The following RAD23B variants were observed in gnomAD, a reference collection of about 807,000 sequenced individuals.
RAD23B encodes RAD23 nucleotide excision repair protein B.
RAD23B carries 5 observed loss-of-function variants against 49.1 expected under a neutral mutation model. The ratio of observed to expected loss-of-function variants is 0.10; its 90% CI spans 0.05 to 0.21. The LOEUF (loss-of-function observed/expected upper bound fraction) is 0.21, where lower values mean the gene tolerates loss of function less well. RAD23B is among the 10% of genes least tolerant of loss of function. The pLI, the probability that RAD23B is intolerant of heterozygous loss-of-function variation, is 1.00. For synonymous variants in RAD23B, 184 were observed against 165.4 expected (o/e 1.11, Z -0.86); for missense variants, 356 against 486.7 (o/e 0.73, Z 2.53).
At chr9:107,284,821 C>A in intron 1 of RAD23B, 1 of 1,212,998 alleles carries the variant, frequency 8.2e-7, no homozygotes, top group South Asian at 1.4e-5. Context: ...GGTTTTGTAA[C>A]TTATTTGCTA....
At position 107,283,707 on chromosome 9, in the gene RAD23B, G is replaced by A; in HGVS notation, c.66+12G>A. On this transcript the variant is annotated intron_variant, in intron 1 of 9. Coordinates refer to ENST00000358015, the MANE Select transcript of RAD23B (RefSeq NM_002874.5). ...ACCCCGAGGAGACGGTATGCGCGCG[G>A]GCCGGGGGCAGGGGCAGCCGCGTGC... 6.9e-7 allele frequency: 1 copy of A among 1,458,160 alleles called. No individual in the cohort carries two copies. Among genetic ancestry groups the A allele is most frequent in the Non-Finnish European group, 9.1e-7 (1 of 1,100,290 alleles). The allele number at this position is 1,458,160 out of a possible 1,614,324, so 90.3% of individuals were successfully genotyped here. A position where few individuals can be genotyped will look rare whatever the true frequency, so the allele number is the denominator to read the frequency against.
At chr9:107,306,677 T>C (rs994902514) in intron 4 of RAD23B, 30 bp downstream of exon 4, 12 of 1,585,778 alleles carry the variant, frequency 7.6e-6, no homozygotes, top group Non-Finnish European at 9.5e-6. Flanking sequence ...ACATTCTATC[T>C]CAAAATCCGT....
At chr9:107,313,974 CCA>C (rs768441053) in intron 5 of RAD23B, among the ~76,000 whole-genome samples, 28 of 151,936 alleles carry the variant, frequency 1.8e-4, no homozygotes, top group Non-Finnish European at 3.5e-4. Context: ...TCCCCTCATT[CCA>C]CAGTTACTAA....
At chr9:107,329,483 T>C in intron 9 of RAD23B, 60 bp from the exon 10 acceptor site, 1 of 1,088,328 alleles carries the variant, frequency 9.2e-7, no homozygotes, top group Admixed American at 1.9e-5. Flanking sequence ...AATATGTAAA[T>C]AAAATTAAAT....
chr9:107,322,709 A>G (rs1290744363), intron 7 of RAD23B, among the ~76,000 whole-genome samples: 2 of 152,210 alleles, frequency 1.3e-5, no homozygotes, highest in African/African-American at 4.8e-5. Context: ...CTGTATATTA[A>G]TAAAGTAATT....
rs542477588 is a variant in RAD23B, at chr9:107,283,425, C to A, written c.-205C>A. 18 of 432,582 alleles carry A rather than the reference C, an allele frequency of 4.2e-5. No individual in the cohort carries two copies. Among genetic ancestry groups the A allele is most frequent in the South Asian group, 7.4e-5 (1 of 13,528 alleles). The allele number at this position is 432,582 out of a possible 1,614,324, so 26.8% of individuals were successfully genotyped here. On this transcript the variant is annotated 5_prime_UTR_variant, in exon 1 of 10. Coordinates refer to ENST00000358015, the MANE Select transcript of RAD23B (RefSeq NM_002874.5). The stretch of plus-strand genomic sequence containing the variant: ...CGGCCCGAGTTCGCGGGGAAGGCCG[C>A]AGTCGCGGAGGCAGCGGCGCGGTCC...
At chr9:107,323,600 C>G (rs41555813) in intron 7 of RAD23B, among the ~76,000 whole-genome samples, 14 of 152,048 alleles carry the variant, frequency 9.2e-5, no homozygotes, top group South Asian at 2.1e-4. Context: ...AGACAAGTTT[C>G]TAGTATTATT....
At chr9:107,297,916 T>C (rs1826562306) in intron 1 of RAD23B, among the ~76,000 whole-genome samples, 1 of 152,222 alleles carries the variant, frequency 6.6e-6, no homozygotes, top group African/African-American at 2.4e-5. Context: ...TTGCTTCATA[T>C]GTGTCTTTTT....
At chr9:107,288,303 T>C (rs1228585661) in intron 1 of RAD23B, among the ~76,000 whole-genome samples, 1 of 152,236 alleles carries the variant, frequency 6.6e-6, no homozygotes, top group Admixed American at 6.5e-5. Context: ...TGTCAGGCCC[T>C]GCTGTGATGG....
intron 4 of RAD23B, among the ~76,000 whole-genome samples, chr9:107,308,957 T>C (rs1336945929): frequency 6.6e-6 from 1 of 152,236 alleles, no homozygotes; most frequent in Admixed American, 6.5e-5. Flanking sequence ...TTTGTTTCTT[T>C]AGGTCAATTT....
intron 1 of RAD23B, chr9:107,284,824 A>G: frequency 8.2e-7 from 1 of 1,216,468 alleles, no homozygotes; most frequent in Non-Finnish European, 1.1e-6. Flanking sequence ...TTTGTAACTT[A>G]TTTGCTATGA....
At chr9:107,327,854 T>G (rs950442512) in intron 9 of RAD23B, among the ~76,000 whole-genome samples, 1 of 152,176 alleles carries the variant, frequency 6.6e-6, no homozygotes, top group Non-Finnish European at 1.5e-5. Flanking sequence ...ATTTCTACCT[T>G]TAATTCTCAG....
intron 1 of RAD23B, among the ~76,000 whole-genome samples, chr9:107,286,726 T>C (rs1833278616): frequency 6.6e-6 from 1 of 152,160 alleles, no homozygotes; most frequent in Non-Finnish European, 1.5e-5. Flanking sequence ...GCCTACATAT[T>C]AAAGCATTTT....
intron 4 of RAD23B, among the ~76,000 whole-genome samples, chr9:107,310,868 T>G (rs546632260): frequency 3.9e-4 from 60 of 152,188 alleles, no homozygotes; most frequent in South Asian, 1.3e-3. Context: ...GCATCCAAAC[T>G]TGAGTTTTCT....
Position 107,296,764 on chromosome 9 carries a change from GCCTCAAATGATCCGC to G in RAD23B, c.67-3374_67-3360del, listed in dbSNP as rs543526898. Among the ~76,000 whole-genome samples, 6 of 151,868 alleles carry G rather than the reference GCCTCAAATGATCCGC, an allele frequency of 4.0e-5. No individual in the cohort carries two copies. The South Asian group carries it at 1.2e-3, about 32-fold the overall frequency. On this transcript the variant is annotated intron_variant, in intron 1 of 9. Coordinates refer to ENST00000358015, the MANE Select transcript of RAD23B (RefSeq NM_002874.5). ...TGACCAGGCTGGCCTTGAGCTCCTG[GCCTCAAATGATCCGC>G]CCACTTCGGCCTTCCAGGGTGTTGG... is the stretch of plus-strand genomic sequence containing the variant.
chr9:107,285,900 G>C (rs556926514), intron 1 of RAD23B, among the ~76,000 whole-genome samples: 1 of 152,198 alleles, frequency 6.6e-6, no homozygotes, highest in Admixed American at 6.5e-5. Flanking sequence ...TATGTTTGTA[G>C]TGGGTTTTAA....
chr9:107,297,850 T>C (rs1306751503), intron 1 of RAD23B, among the ~76,000 whole-genome samples: 3 of 152,198 alleles, frequency 2.0e-5, no homozygotes, highest in African/African-American at 7.2e-5. Flanking sequence ...TGTCTTATAC[T>C]TCATTGTAAC....
At chr9:107,285,727 A>G (rs1382429521) in intron 1 of RAD23B, among the ~76,000 whole-genome samples, 1 of 152,232 alleles carries the variant, frequency 6.6e-6, no homozygotes, top group Non-Finnish European at 1.5e-5. Flanking sequence ...ATTTATATAA[A>G]TATAATTTTG....
intron 3 of RAD23B, among the ~76,000 whole-genome samples, chr9:107,306,075 A>T (rs1346283126): frequency 3.1e-5 from 3 of 95,680 alleles, no homozygotes; most frequent in African/African-American, 5.0e-5. Flanking sequence ...ATATATATCT[A>T]TATATCTATA....
Sources: allele counts gnomAD v4.1 joint callset (sites outside exome capture counted in the v4.1 genomes callset), GRCh38; gene constraint gnomAD v4.1.1; transcripts MANE v1.5; gene names NCBI Gene and HGNC (gene_info 2026-07-23, HGNC 2026-07-21).